The following CUBN variants were observed in gnomAD, a reference collection of about 807,000 sequenced individuals.
CUBN encodes the protein 460 kDa receptor.
A neutral mutation model predicts 405.3 loss-of-function variants in CUBN; 282 were observed. The observed-to-expected ratio is 0.70, with a 90% CI of 0.63 to 0.77. The LOEUF (loss-of-function observed/expected upper bound fraction) is 0.77, where lower values mean the gene tolerates loss of function less well. Among genes scored for constraint, CUBN ranks in the 30% least tolerant of loss-of-function variants. The pLI is 0.00. For synonymous variants in CUBN, 1,684 were observed against 1,617.0 expected (o/e 1.04, Z -0.99); for missense variants, 4,514 against 4,475.2 (o/e 1.01, Z -0.25).
At chr10:16,997,744 C>T (rs1833775763) in intron 28 of CUBN, among the ~76,000 whole-genome samples, 1 of 152,164 alleles carries the variant, frequency 6.6e-6, no homozygotes, top group Non-Finnish European at 1.5e-5. Flanking sequence ...CCAAAGGTGA[C>T]TGGCATGTAA....
chr10:16,888,022 A>G (rs1252044437), intron 56 of CUBN, among the ~76,000 whole-genome samples: 1 of 152,236 alleles, frequency 6.6e-6, no homozygotes, highest in East Asian at 1.9e-4. Flanking sequence ...GAATCTAAAA[A>G]TGTCGAACTC....
chr10:16,899,480 T>G (rs1161215576), intron 53 of CUBN, among the ~76,000 whole-genome samples: 10 of 152,194 alleles, frequency 6.6e-5, no homozygotes, highest in Admixed American at 6.5e-4. Flanking sequence ...AGAGCTGTAT[T>G]TTTATTCTCT....
intron 28 of CUBN, among the ~76,000 whole-genome samples, chr10:17,011,589 G>A (rs1336041316): frequency 1.3e-5 from 2 of 152,096 alleles, no homozygotes; most frequent in Non-Finnish European, 2.9e-5. Context: ...GCGTGGAAGG[G>A]GACCCGAGCA....
intron 8 of CUBN, among the ~76,000 whole-genome samples, chr10:17,111,365 C>T (rs1392370169): frequency 6.6e-6 from 1 of 152,122 alleles, no homozygotes; most frequent in East Asian, 1.9e-4. Context: ...CCTATTAAAA[C>T]TCAGCCTATT....
At chr10:16,890,556 G>A in intron 54 of CUBN, 29 bp from the exon 55 acceptor site, 2 of 1,613,320 alleles carry the variant, frequency 1.2e-6, no homozygotes, top group Non-Finnish European at 1.7e-6. Flanking sequence ...GAACTTTAAT[G>A]CTCAAGGGTT....
chr10:16,969,633 G>A (rs1050675270), intron 31 of CUBN, among the ~76,000 whole-genome samples: 11 of 152,156 alleles, frequency 7.2e-5, no homozygotes, highest in East Asian at 3.9e-4. Context: ...GATTACAGGC[G>A]TGAGCCACTG....
intron 63 of CUBN, 82 bp from the exon 64 acceptor site, chr10:16,835,277 A>G: frequency 8.3e-7 from 1 of 1,208,218 alleles, no homozygotes; most frequent in Non-Finnish European, 1.2e-6. Flanking sequence ...ATTCAAAAAG[A>G]TCATTGCATT....
chr10:17,078,915 T>C (rs1835910703), intron 17 of CUBN, among the ~76,000 whole-genome samples: 1 of 152,208 alleles, frequency 6.6e-6, no homozygotes, highest in Non-Finnish European at 1.5e-5. Flanking sequence ...CTGCTCTACA[T>C]CACGCATGTT....
At chr10:17,085,270 T>C (rs1836080573) in intron 16 of CUBN, among the ~76,000 whole-genome samples, 1 of 152,164 alleles carries the variant, frequency 6.6e-6, no homozygotes, top group South Asian at 2.1e-4. Context: ...GAGACTGCAC[T>C]GCTCGCATGC....
chr10:16,912,699 C>T lies in CUBN; in HGVS notation c.7533+1112G>A, dbSNP rs548186996. 7.9e-5 allele frequency among the ~76,000 whole-genome samples: 12 copies of T among 152,162 alleles called. No homozygotes were observed. In the South Asian group the frequency reaches 8.3e-4, roughly 11 times the overall value. ...GGAGCATCTCAGCACATTCAGGGAA[C>T]GGAATGGAGGCCAGGTGGCTGGATC... On this transcript the variant is annotated intron_variant, in intron 48 of 66. Transcript: ENST00000377833.
intron 32 of CUBN, 96 bp from the exon 33 acceptor site, chr10:16,952,485 T>G: frequency 3.6e-6 from 3 of 830,180 alleles, no homozygotes; most frequent in East Asian, 5.1e-5. Context: ...TCAATGATTT[T>G]TCTTCTTATT....
At chr10:16,972,176 C>A (rs896051133) in intron 31 of CUBN, among the ~76,000 whole-genome samples, 1 of 152,112 alleles carries the variant, frequency 6.6e-6, no homozygotes, top group African/African-American at 2.4e-5. Flanking sequence ...ATCTTTCATC[C>A]ACCCGTTACA....
At chr10:16,878,491 A>C (rs1840578495) in intron 56 of CUBN, among the ~76,000 whole-genome samples, 1 of 152,194 alleles carries the variant, frequency 6.6e-6, no homozygotes, top group Non-Finnish European at 1.5e-5. Context: ...ATTCCTGTAC[A>C]TAAATATTTG....
chr10:16,854,648 T>G (rs145161925), intron 59 of CUBN, among the ~76,000 whole-genome samples: 1 of 152,330 alleles, frequency 6.6e-6, no homozygotes, highest in East Asian at 1.9e-4. Context: ...CTTCAAAAAC[T>G]AAATGTTATT....
intron 31 of CUBN, among the ~76,000 whole-genome samples, chr10:16,956,317 C>T: frequency 6.6e-6 from 1 of 151,642 alleles, no homozygotes; most frequent in Non-Finnish European, 1.5e-5. Context: ...ATTTAATGTT[C>T]AAAATTTAAA....
intron 64 of CUBN, 38 bp from the exon 65 acceptor site, chr10:16,831,455 T>C (rs777566272): frequency 1.9e-6 from 3 of 1,553,864 alleles, no homozygotes; most frequent in Non-Finnish European, 2.7e-6. Context: ...ACTTACACTT[T>C]CTTCTCTAAG....
At chr10:17,028,581 C>T (rs1052090584) in intron 27 of CUBN, among the ~76,000 whole-genome samples, 1 of 151,576 alleles carries the variant, frequency 6.6e-6, no homozygotes, top group Non-Finnish European at 1.5e-5. Context: ...ATTCGCCAGG[C>T]GTGGTGGTGG....
At chr10:16,995,593 G>A (rs572304954) in intron 28 of CUBN, among the ~76,000 whole-genome samples, 1 of 152,052 alleles carries the variant, frequency 6.6e-6, no homozygotes, top group South Asian at 2.1e-4. Flanking sequence ...CCCTCCCAAA[G>A]TGCTGGGATT....
chr10:16,937,682 A>G lies in CUBN; in HGVS notation c.5836T>C (p.Tyr1946His). 6.2e-7 allele frequency: 1 copy of G among 1,614,114 alleles called. No individual in the cohort carries two copies. The highest frequency in any genetic ancestry group is 1.7e-5 in the Admixed American group (1 of 60,022). The change falls in exon 39 of 67, where the codon TAC becomes CAC. Residue 1946 changes from tyrosine (Y) to histidine (H), a missense_variant. Physicochemically the swap from Tyr to His is moderately conservative, Grantham distance 83. Around this residue, in one of 5 missense-constraint regions of CUBN, gnomAD observed 1,613 missense variants for 1,542.8 expected, o/e 1.05. Transcript: ENST00000377833. ...STGNSLTFHFYSDSSISGKGF... is the reference protein window; with the variant it reads ...STGNSLTFHFHSDSSISGKGF... ...TTCCCTGAGATTGAAGAGTCGGAGT[A>G]AAAATGAAATGTCAAAGAATTTCCA...
Sources: allele counts gnomAD v4.1 joint callset (sites outside exome capture counted in the v4.1 genomes callset), GRCh38; gene constraint gnomAD v4.1.1; regional missense constraint gnomAD v4.1.1; transcripts MANE v1.5; gene names NCBI Gene and HGNC (gene_info 2026-07-23, HGNC 2026-07-21).